Variants in PAH observed in about 807,000 individuals in gnomAD.
The protein encoded by PAH is phenylalanine-4-hydroxylase.
In PAH, 64 loss-of-function variants were observed where a neutral mutation model predicts 62.0. The ratio of observed to expected loss-of-function variants is 1.03; its 90% CI spans 0.84 to 1.27. PAH has a LOEUF of 1.27. PAH is among the 50% of genes most tolerant of loss of function. The pLI is 0.00. For missense variants in PAH, 579 were observed against 542.8 expected, an observed-to-expected ratio of 1.07 and a Z score of -0.66; for synonymous variants, 195 against 196.2, an observed-to-expected ratio of 0.99 and a Z score of 0.05.
intron 3 of PAH, among the ~76,000 whole-genome samples, chr12:102,887,048 T>C (rs1877070458): frequency 6.6e-6 from 1 of 151,998 alleles, no homozygotes; most frequent in Non-Finnish European, 1.5e-5. Flanking sequence ...CATAACATGC[T>C]AAGGAAAGAG....
chr12:102,850,069 G>C (rs149666528), intron 8 of PAH, among the ~76,000 whole-genome samples: 1 of 152,206 alleles, frequency 6.6e-6, no homozygotes, highest in Non-Finnish European at 1.5e-5. Flanking sequence ...CTGGTGGTAA[G>C]AATAAAAGGT....
chr12:102,957,250 TTAG>T lies in PAH; in HGVS notation c.-96+942_-96+944del, dbSNP rs1227246584. On this transcript the variant is annotated intron_variant, in intron 1 of 4. Transcript: ENST00000551337. This position sits in a 1 kb window ranked among gnomAD's most constrained non-coding sequence, Gnocchi z 4.1. ...CTTCCCTGCGCTTTGCTTCAAGTTC[TTAG>T]TAGAATCCAAGAGAGCTTCACCCCA... is the stretch of plus-strand genomic sequence containing the variant. Among the ~76,000 whole-genome samples, 1 of 152,172 alleles carries T rather than the reference TTAG, an allele frequency of 6.6e-6. No homozygotes were observed. The highest frequency in any genetic ancestry group is 1.5e-5 in the Non-Finnish European group (1 of 68,024).
intron 2 of PAH, among the ~76,000 whole-genome samples, chr12:102,900,316 C>T (rs148977521): frequency 0.011 from 1,674 of 152,042 alleles, 18 homozygotes; most frequent in Non-Finnish European, 0.018. Context: ...CCCAAAGTGC[C>T]GGGATTACAG....
upstream of PAH, among the ~76,000 whole-genome samples, chr12:102,952,660 T>A (rs991221597): frequency 1.3e-5 from 2 of 152,188 alleles, no homozygotes; most frequent in African/African-American, 4.8e-5. Flanking sequence ...TCAAAAGGAC[T>A]TGTGAGGGTG....
In PAH at chr12:102,840,239, C is replaced by T. The variant is rs540737078; in HGVS notation, c.1315+161G>A. On this transcript the variant is annotated intron_variant, in intron 12 of 12. Transcript: ENST00000553106. ...ACAAGGGTAATTCTGACCTTTTTGT[C>T]AAGTTCTTCTCCATCAATGAACCCA... 1.9e-3 allele frequency among the ~76,000 whole-genome samples: 287 copies of T among 152,190 alleles called. 3 individuals are homozygous for T. Among genetic ancestry groups the T allele is most frequent in the African/African-American group, 6.4e-3 (265 of 41,504 alleles).
rs1191473722 is a variant in PAH, at chr12:102,866,643, G to T, written c.462C>A (p.Tyr154Ter). The change falls in exon 5 of 13, where the codon TAC becomes TAA. Residue 154 changes from tyrosine (Y) to a stop codon, truncating the protein, a stop_gained. Coordinates refer to ENST00000553106, the MANE Select transcript of PAH (RefSeq NM_000277.3). LOFTEE classifies it high-confidence loss of function. ...ADHPGFKDPV[Y>*]RARRKQFADI... ...CAGCAAACTGCTTCCGTCTTGCACG[G>T]TACACAGGATCTTTAAAACCCTAGG... 6.2e-7 allele frequency: 1 copy of T among 1,613,654 alleles called. No individual in the cohort carries two copies. Among genetic ancestry groups the T allele is most frequent in the Non-Finnish European group, 8.5e-7 (1 of 1,179,636 alleles).
chr12:102,837,927 A>C lies in PAH; in HGVS notation c.*1248T>G, dbSNP rs1043966446. 2 of 152,210 alleles carry C rather than the reference A, an allele frequency of 1.3e-5. No individual in the cohort carries two copies. The allele number at this position is 152,210 out of a possible 1,614,324, so 9.4% of individuals were successfully genotyped here. Reference sequence around the variant, plus strand: ...ATCTTCAGAGATTCAAATTGGGTGGAGCTGGGAAGGTACCCAGAATTTGCT... The same window carrying C: ...ATCTTCAGAGATTCAAATTGGGTGGCGCTGGGAAGGTACCCAGAATTTGCT... On this transcript the variant is annotated 3_prime_UTR_variant, in exon 13 of 13. Coordinates refer to ENST00000553106, the MANE Select transcript of PAH (RefSeq NM_000277.3).
chr12:102,931,203 A>G (rs1878859384), intron 1 of PAH, among the ~76,000 whole-genome samples: 1 of 152,172 alleles, frequency 6.6e-6, no homozygotes. Context: ...TTTTATATTT[A>G]AAATTTTGTA....
At chr12:102,894,426 A>G (rs1413249292) in intron 3 of PAH, among the ~76,000 whole-genome samples, 3 of 82,772 alleles carry the variant, frequency 3.6e-5, no homozygotes, top group East Asian at 8.2e-4. Flanking sequence ...AAAGCTTATA[A>G]AGTAAAAAAA....
At position 102,912,891 on chromosome 12, in the gene PAH, C is replaced by A; in HGVS notation, c.68G>T (p.Ser23Ile). 6.2e-7 allele frequency: 1 copy of A among 1,604,864 alleles called. No individual in the cohort carries two copies. The highest frequency in any genetic ancestry group is 8.5e-7 in the Non-Finnish European group (1 of 1,171,626). ...TTGATTGCAGTTGTCTTCAATATAG[C>A]TTGTTTCCTACAGGATAAGATGCAT... ...RKLSDFGQET[S>I]YIEDNCNQNG... The change falls in exon 2 of 13, where the codon AGC becomes ATC. Residue 23 changes from serine to isoleucine, a missense_variant. Transcript: ENST00000553106.
chr12:102,892,127 C>T (rs771348256), intron 3 of PAH, among the ~76,000 whole-genome samples: 2 of 152,222 alleles, frequency 1.3e-5, no homozygotes, highest in Non-Finnish European at 2.9e-5. Context: ...GTCCACTCTC[C>T]ACAAGGCCAG....
intron 2 of PAH, among the ~76,000 whole-genome samples, chr12:102,909,126 C>T (rs1228921877): frequency 6.6e-6 from 1 of 152,142 alleles, no homozygotes; most frequent in African/African-American, 2.4e-5. Flanking sequence ...CCGTGCCTGG[C>T]CCTAGTCTTC....
At chr12:102,895,869 A>AAATATATATATATATATATATATAT (rs953209518) in intron 2 of PAH, among the ~76,000 whole-genome samples, 6 of 118,708 alleles carry the variant, frequency 5.1e-5, no homozygotes, top group African/African-American at 2.1e-4. Context: ...AAAAAAAAAA[A>AAATATATATATATATATATATATAT]ATATATATAT....
intron 4 of PAH, among the ~76,000 whole-genome samples, chr12:102,870,336 T>C (rs1327077927): frequency 5.3e-5 from 8 of 152,206 alleles, no homozygotes; most frequent in Non-Finnish European, 1.2e-4. Flanking sequence ...AATTCATTTA[T>C]TCACAAGGAG....
At chr12:102,885,021 AC>A (rs1284063168) in intron 3 of PAH, among the ~76,000 whole-genome samples, 1 of 152,184 alleles carries the variant, frequency 6.6e-6, no homozygotes, top group Admixed American at 6.5e-5. Flanking sequence ...GATGCACTTC[AC>A]CAAAAAGCAA....
rs62514898 is a variant in PAH at position 102,912,790 on chromosome 12, C to T, written c.168+1G>A. ...AAGACAAACATGATTGTAGCACTGA[C>T]CTCAAATAAGCGCAATACTTTGGCC... is the stretch of plus-strand genomic sequence containing the variant. On this transcript the variant is annotated splice_donor_variant, in intron 2 of 12. Coordinates refer to ENST00000553106, the MANE Select transcript of PAH (RefSeq NM_000277.3). LOFTEE classifies it high-confidence loss of function. The T allele has an allele frequency of 1.0e-5, 16 of 1,596,756 alleles. No homozygotes were observed. The highest frequency in any genetic ancestry group is 1.3e-5 in the Non-Finnish European group (15 of 1,164,242).
intron 1 of PAH, among the ~76,000 whole-genome samples, chr12:102,926,441 G>A (rs1224730014): frequency 1.3e-5 from 2 of 151,918 alleles, no homozygotes; most frequent in African/African-American, 2.4e-5. Context: ...GAGTGAAAAG[G>A]AGAGAGGTGT....
intron 4 of PAH, among the ~76,000 whole-genome samples, chr12:102,871,979 T>C: frequency 7.7e-6 from 1 of 130,104 alleles, no homozygotes; most frequent in Non-Finnish European, 1.6e-5. Flanking sequence ...TATATATATA[T>C]ATATATTTGC....
At chr12:102,862,216 T>C (rs989618828) in intron 5 of PAH, among the ~76,000 whole-genome samples, 2 of 152,164 alleles carry the variant, frequency 1.3e-5, no homozygotes, top group Admixed American at 6.5e-5. Flanking sequence ...TGGAATACTA[T>C]GTGGCCATAA....
Sources: allele counts gnomAD v4.1 joint callset (sites outside exome capture counted in the v4.1 genomes callset), GRCh38; gene constraint gnomAD v4.1.1; non-coding constraint Gnocchi (gnomAD v3.1); transcripts MANE v1.5; gene names NCBI Gene and HGNC (gene_info 2026-07-23, HGNC 2026-07-21).